The following PCDHGB2 variants were observed in gnomAD, a reference collection of about 807,000 sequenced individuals.
The protein encoded by PCDHGB2 is protocadherin gamma subfamily B, 2.
In PCDHGB2, 55 loss-of-function variants were observed where a neutral mutation model predicts 59.3. That is an observed-to-expected ratio of 0.93 (90% CI 0.75 to 1.16). The LOEUF (loss-of-function observed/expected upper bound fraction) is 1.16, where lower values mean the gene tolerates loss of function less well. PCDHGB2 is among the 50% of genes most tolerant of loss of function. The pLI, the probability that PCDHGB2 is intolerant of heterozygous loss-of-function variation, is 0.00. For missense variants in PCDHGB2, 1,228 were observed against 1,198.5 expected, an observed-to-expected ratio of 1.02 and a Z score of -0.36; for synonymous variants, 516 against 512.0, an observed-to-expected ratio of 1.01 and a Z score of -0.11.
chr5:141,435,906 A>C (rs1246100275), intron 1 of PCDHGB2, among the ~76,000 whole-genome samples: 1 of 152,182 alleles, frequency 6.6e-6, no homozygotes, highest in African/African-American at 2.4e-5. Context: ...AAAGACATCC[A>C]AGGGCTCTAA....
In PCDHGB2 at chr5:141,389,510, G is replaced by A. The variant is rs527483186; in HGVS notation, c.2421+26954G>A. The A allele has an allele frequency of 5.0e-6, 8 of 1,613,140 alleles. No individual in the cohort carries two copies. In the African/African-American group the frequency reaches 6.7e-5, roughly 13 times the overall value. ...ACCAGGGCTCGCCAGCGCTCAGCGC[G>A]AACGTGAGCCTGCGCGTGTTAGTGG... On this transcript the variant is annotated intron_variant, in intron 1 of 3. Transcript: ENST00000522605.
At chr5:141,392,965 A>C in intron 1 of PCDHGB2, 1 of 1,613,890 alleles carries the variant, frequency 6.2e-7, no homozygotes, top group East Asian at 2.2e-5. Context: ...ATCTCCAAGG[A>C]CCTGGGGCTG....
intron 1 of PCDHGB2, among the ~76,000 whole-genome samples, chr5:141,480,290 C>T (rs1053173416): frequency 2.2e-5 from 3 of 134,088 alleles, no homozygotes; most frequent in Non-Finnish European, 4.7e-5. Flanking sequence ...TGGCATGCAC[C>T]TGTGGTACCA....
At chr5:141,450,046 G>A (rs1390669307) in intron 1 of PCDHGB2, among the ~76,000 whole-genome samples, 4 of 121,108 alleles carry the variant, frequency 3.3e-5, no homozygotes, top group Admixed American at 1.1e-4. Context: ...TCACTCTTTC[G>A]CCCAGGCTGG....
At chr5:141,369,769 T>C (rs1398107902) in intron 1 of PCDHGB2, among the ~76,000 whole-genome samples, 2 of 152,248 alleles carry the variant, frequency 1.3e-5, no homozygotes, top group African/African-American at 2.4e-5. Context: ...GTGAAGCTGA[T>C]ATTTCAAGCC....
In PCDHGB2 at chr5:141,495,260, G is replaced by A. The variant is rs368797742; in HGVS notation, c.2480+395G>A. On this transcript the variant is annotated intron_variant, in intron 2 of 3. Transcript: ENST00000522605. ...TATGACCTGGGGCTCAGGCAGAAAA[G>A]CATTTGACCGGAGGAGGCGGTCCGC... Among the ~76,000 whole-genome samples the A allele has an allele frequency of 3.3e-5, 5 of 152,208 alleles. No individual in the cohort carries two copies. The East Asian group carries it at 5.8e-4, about 18-fold the overall frequency.
chr5:141,476,556 C>G lies in PCDHGB2; in HGVS notation c.2422-18251C>G. On this transcript the variant is annotated intron_variant, in intron 1 of 3. Transcript: ENST00000522605. This position sits in a 1 kb window ranked among gnomAD's most constrained non-coding sequence, Gnocchi z 7.6. ...GAAATGAAATTGGAGATTAGCGAGG[C>G]CGTGGCTCCGGGGACGCGCTTTCCG... The G allele has an allele frequency of 6.2e-7, 1 of 1,614,234 alleles. No homozygotes were observed. The highest frequency in any genetic ancestry group is 8.5e-7 in the Non-Finnish European group (1 of 1,180,036).
In PCDHGB2 at chr5:141,360,240, T is replaced by G; in HGVS notation, c.105T>G (p.Tyr35Ter). The G allele has an allele frequency of 6.2e-7, 1 of 1,613,948 alleles. No homozygotes were observed. The highest frequency in any genetic ancestry group is 1.3e-5 in the African/African-American group (1 of 75,026). The change falls in exon 1 of 4, where the codon TAT becomes TAG. Residue 35 changes from tyrosine to a stop codon, truncating the protein, a stop_gained. Transcript: ENST00000522605. LOFTEE classifies it high-confidence loss of function. Reference sequence around the variant, plus strand: ...GGGCTCTCCCAGTCCAGATCCGCTATTCAATTCCAGAGGAGCTGGCCAAAA... The same window carrying G: ...GGGCTCTCCCAGTCCAGATCCGCTAGTCAATTCCAGAGGAGCTGGCCAAAA... Reference protein sequence around the residue: ...FPGALPVQIRYSIPEELAKNS... With the variant: ...FPGALPVQIR
chr5:141,431,189 G>A lies in PCDHGB2; in HGVS notation c.2422-63618G>A. 2 of 1,614,208 alleles carry A rather than the reference G, an allele frequency of 1.2e-6. No homozygotes were observed. The highest frequency in any genetic ancestry group is 1.7e-6 in the Non-Finnish European group (2 of 1,180,036). On this transcript the variant is annotated intron_variant, in intron 1 of 3. Transcript: ENST00000522605. This position sits in a 1 kb window ranked among gnomAD's most constrained non-coding sequence, Gnocchi z 4.8. ...AAGTGAATTAGAAATAAAAATTAGT[G>A]AAAATGCAGCCACTGAGATGCGGTT...
At position 141,476,318 on chromosome 5, in the gene PCDHGB2, G is replaced by A. The variant is rs767809530; in HGVS notation, c.2422-18489G>A. ...TAGCCTCTCAGCCCGCAGGTTCCGG[G>A]TGGTGTCTGGAGCTAGCCGAAGATT... is the stretch of plus-strand genomic sequence containing the variant. On this transcript the variant is annotated intron_variant, in intron 1 of 3. Coordinates refer to ENST00000522605, the MANE Select transcript of PCDHGB2 (RefSeq NM_018923.3). This position sits in a 1 kb window ranked among gnomAD's most constrained non-coding sequence, Gnocchi z 7.6. The A allele has an allele frequency of 6.2e-6, 10 of 1,614,084 alleles. No homozygotes were observed. Among genetic ancestry groups the A allele is most frequent in the Non-Finnish European group, 7.6e-6 (9 of 1,180,060 alleles).
intron 1 of PCDHGB2, chr5:141,410,438 G>A (rs957017717): frequency 2.5e-6 from 4 of 1,613,894 alleles, no homozygotes; most frequent in African/African-American, 2.7e-5. Flanking sequence ...CTACAGTGAG[G>A]GGACTTTGCC....
intron 1 of PCDHGB2, among the ~76,000 whole-genome samples, chr5:141,430,329 T>G (rs1466381565): frequency 1.3e-5 from 2 of 151,776 alleles, no homozygotes; most frequent in Non-Finnish European, 2.9e-5. Flanking sequence ...AATCATTGTT[T>G]ATAGAAACTT....
intron 1 of PCDHGB2, among the ~76,000 whole-genome samples, chr5:141,468,088 G>T (rs186503104): frequency 6.6e-6 from 1 of 152,186 alleles, no homozygotes; most frequent in East Asian, 1.9e-4. Context: ...ACTTTGGGAG[G>T]TTGAGGCAGG....
chr5:141,364,207 C>T (rs1763218891), intron 1 of PCDHGB2: 1 of 1,184,316 alleles, frequency 8.4e-7, no homozygotes, highest in African/African-American at 1.5e-5. Context: ...ACCAGACAAG[C>T]TCCTACGAAA....
At chr5:141,408,763 T>C in intron 1 of PCDHGB2, 1 of 1,611,150 alleles carries the variant, frequency 6.2e-7, no homozygotes. Context: ...TTAATTCCGA[T>C]GGTGGCAAAT....
rs769801850 is a variant in PCDHGB2 at position 141,371,052 on chromosome 5, C to G, written c.2421+8496C>G. On this transcript the variant is annotated intron_variant, in intron 1 of 3. Coordinates refer to ENST00000522605, the MANE Select transcript of PCDHGB2 (RefSeq NM_018923.3). The stretch of plus-strand genomic sequence containing the variant: ...CCTCACAGCTGTGGATGGGGGCGAG[C>G]CCTCCAGAAGCTGTACCACCCAGAT... 6.0e-5 allele frequency: 97 copies of G among 1,613,842 alleles called. No individual in the cohort carries two copies. The South Asian group carries it at 1.1e-3, about 18-fold the overall frequency.
chr5:141,375,346 T>C, intron 1 of PCDHGB2: 1 of 1,613,870 alleles, frequency 6.2e-7, no homozygotes. Flanking sequence ...ACAACATCAC[T>C]GTGACAGCCA....
rs1022106778 is a variant in PCDHGB2, at chr5:141,384,657, C to A, written c.2421+22101C>A. ...CACCCCGCTCCGCAGAGCCCGGCTACCTGGTGACCAAGGTGGTGGCGGTGG... is the reference window on the plus strand; with the variant it reads ...CACCCCGCTCCGCAGAGCCCGGCTAACTGGTGACCAAGGTGGTGGCGGTGG... On this transcript the variant is annotated intron_variant, in intron 1 of 3. Transcript: ENST00000522605. 23 of 1,614,124 alleles carry A rather than the reference C, an allele frequency of 1.4e-5. No homozygotes were observed. The African/African-American group carries it at 2.0e-4, about 14-fold the overall frequency.
intron 1 of PCDHGB2, among the ~76,000 whole-genome samples, chr5:141,433,399 CTA>C (rs1491097109): frequency 1.1e-4 from 17 of 150,894 alleles, no homozygotes; most frequent in African/African-American, 4.1e-4. Context: ...ATCTATCTAT[CTA>C]TCTATTACTT....
Sources: gnomAD v4.1 joint callset for allele counts (sites outside exome capture counted in the v4.1 genomes callset) on GRCh38, gnomAD v4.1.1 for gene constraint, Gnocchi (gnomAD v3.1) non-coding constraint, MANE v1.5 for transcripts, NCBI Gene and HGNC (gene_info 2026-07-23, HGNC 2026-07-21) for gene names.